The following IL13RA1 variants were observed in gnomAD, a reference collection of about 807,000 sequenced individuals.
IL13RA1 encodes the protein interleukin-13 receptor subunit alpha-1.
IL13RA1 carries 14 observed loss-of-function variants against 33.8 expected under a neutral mutation model. That is an observed-to-expected ratio of 0.41 (90% CI 0.27 to 0.65). The LOEUF is 0.65. IL13RA1 is among the 30% of genes least tolerant of loss of function. The pLI, the probability that IL13RA1 is intolerant of heterozygous loss-of-function variation, is 0.28. For synonymous variants in IL13RA1, 116 were observed against 115.7 expected (o/e 1.00, Z -0.02); for missense variants, 313 against 327.0 (o/e 0.96, Z 0.33).
At chrX:118,737,395 T>G (rs759018788) in intron 1 of IL13RA1, among the ~76,000 whole-genome samples, 1 of 112,644 alleles carries the variant, frequency 8.9e-6, no homozygotes, top group South Asian at 3.6e-4. Context: ...CTTCCAAAAT[T>G]GTTACATCAA....
intron 8 of IL13RA1, among the ~76,000 whole-genome samples, chrX:118,768,872 C>A (rs1482208802): frequency 8.9e-6 from 1 of 112,044 alleles, no homozygotes; most frequent in Non-Finnish European, 1.9e-5. Flanking sequence ...TTTTGGATTT[C>A]TAGCCTCCAA....
chrX:118,747,261 C>G (rs1326203936), intron 3 of IL13RA1, among the ~76,000 whole-genome samples, 169 bp downstream of exon 3: 2 of 111,520 alleles, frequency 1.8e-5, no homozygotes, highest in Non-Finnish European at 3.8e-5. Context: ...GAGTATGTCT[C>G]TGCCTTGAAG....
intron 2 of IL13RA1, among the ~76,000 whole-genome samples, chrX:118,741,933 A>G (rs2017348871): frequency 9.0e-6 from 1 of 110,982 alleles, no homozygotes; most frequent in African/African-American, 3.3e-5. Context: ...AAGTTCAGGC[A>G]GCTTTGGTGG....
Position 118,791,829 on chromosome X carries a change from A to G in IL13RA1, c.1259A>G (p.Glu420Gly), listed in dbSNP as rs771381937. The change falls in exon 11 of 11, where the codon GAA becomes GGA. Residue 420 changes from glutamate (E) to glycine (G), a missense_variant. Glu to Gly is a moderately conservative substitution (Grantham distance 98). Coordinates refer to ENST00000371666, the MANE Select transcript of IL13RA1 (RefSeq NM_001560.3). Reference sequence around the variant, plus strand: ...GAAACCGACTCTGTAGTGCTGATAGAAAACCTGAAGAAAGCCTCTCAGTGA... The same window carrying G: ...GAAACCGACTCTGTAGTGCTGATAGGAAACCTGAAGAAAGCCTCTCAGTGA... ...KEETDSVVLI[E>G]NLKKASQ 1 of 1,019,287 alleles carries G rather than the reference A, an allele frequency of 9.8e-7. No homozygotes were observed. The highest frequency in any genetic ancestry group is 1.4e-6 in the Non-Finnish European group (1 of 722,953). 84.0% of individuals were successfully genotyped at this position (1,019,287 alleles called of 1,213,427 possible). A position where few individuals can be genotyped will look rare whatever the true frequency, so the allele number is the denominator to read the frequency against.
intron 8 of IL13RA1, among the ~76,000 whole-genome samples, chrX:118,771,334 G>A (rs978096734): frequency 1.8e-5 from 2 of 112,286 alleles, no homozygotes; most frequent in Non-Finnish European, 3.8e-5. Context: ...GATGGAGAGT[G>A]AGACCCACAA....
In IL13RA1 at chrX:118,794,315, C is replaced by T. The variant is rs2018009511; in HGVS notation, c.*2461C>T. 8.9e-6 allele frequency: 1 copy of T among 112,344 alleles called. No homozygotes were observed. The highest frequency in any genetic ancestry group is 3.2e-5 in the African/African-American group (1 of 30,799). The allele number at this position is 112,344 out of a possible 1,213,427, so 9.3% of individuals were successfully genotyped here. A position where few individuals can be genotyped will look rare whatever the true frequency, so the allele number is the denominator to read the frequency against. ...AGTAGGCTCATTTACTGTTTTAGGTCTAGCCTATGTGGATTTTTTCCTAAC... is the reference window on the plus strand; with the variant it reads ...AGTAGGCTCATTTACTGTTTTAGGTTTAGCCTATGTGGATTTTTTCCTAAC... On this transcript the variant is annotated 3_prime_UTR_variant, in exon 11 of 11. Transcript: ENST00000371666.
chrX:118,771,026 G>A (rs1319437786), intron 8 of IL13RA1, among the ~76,000 whole-genome samples: 1 of 111,981 alleles, frequency 8.9e-6, no homozygotes, highest in Non-Finnish European at 1.9e-5. Context: ...CTTGGGGGCT[G>A]CTAAACTCTG....
intron 6 of IL13RA1, among the ~76,000 whole-genome samples, chrX:118,762,739 A>G (rs1215934940): frequency 8.9e-6 from 1 of 112,128 alleles, no homozygotes; most frequent in Non-Finnish European, 1.9e-5. Context: ...TGAATTTACA[A>G]CAAAAGGAGT....
intron 2 of IL13RA1, among the ~76,000 whole-genome samples, chrX:118,743,962 A>G (rs2017375370): frequency 9.0e-6 from 1 of 111,666 alleles, no homozygotes. Context: ...CCTTGCCAAC[A>G]TGGTGAAACC....
intron 1 of IL13RA1, among the ~76,000 whole-genome samples, chrX:118,730,153 C>T (rs2017200219): frequency 9.0e-6 from 1 of 111,674 alleles, no homozygotes; most frequent in African/African-American, 3.3e-5. Context: ...CAAAAATTAG[C>T]CGAGTGTGGG....
chrX:118,799,639 A>G, the IL13RA1 span, among the ~76,000 whole-genome samples: 1 of 107,275 alleles, frequency 9.3e-6, no homozygotes, highest in Admixed American at 9.9e-5. Context: ...GAGTGCACCA[A>G]TCGACACTCT....
chrX:118,794,439 G>C lies in IL13RA1; in HGVS notation c.*2585G>C, dbSNP rs2018010983. On this transcript the variant is annotated 3_prime_UTR_variant, in exon 11 of 11. Transcript: ENST00000371666. ...GCACTGAAGGGATATGTGAAACAAT[G>C]TTAACATTTTTGGTAGTCTTCAACC... 8.9e-6 allele frequency: 1 copy of C among 112,600 alleles called. No homozygotes were observed. The highest frequency in any genetic ancestry group is 9.4e-5 in the Admixed American group (1 of 10,634). The allele number at this position is 112,600 out of a possible 1,213,427, so 9.3% of individuals were successfully genotyped here. A position where few individuals can be genotyped will look rare whatever the true frequency, so the allele number is the denominator to read the frequency against.
chrX:118,736,782 A>G (rs1194920944), intron 1 of IL13RA1, among the ~76,000 whole-genome samples: 1 of 111,721 alleles, frequency 9.0e-6, no homozygotes, highest in Non-Finnish European at 1.9e-5. Context: ...AATTTAACCA[A>G]ACAAACAAAA....
At chrX:118,759,865 C>T (rs1054933910) in intron 5 of IL13RA1, among the ~76,000 whole-genome samples, 6 of 111,232 alleles carry the variant, frequency 5.4e-5, no homozygotes, top group Admixed American at 2.9e-4. Flanking sequence ...CTTGACCTCC[C>T]GGGCTCAAGC....
At chrX:118,804,704 C>T in the IL13RA1 span, among the ~76,000 whole-genome samples, 8 of 111,746 alleles carry the variant, frequency 7.2e-5, no homozygotes, top group Admixed American at 7.6e-4. Flanking sequence ...TATCTGTGGT[C>T]AAGTGTGTGC....
At chrX:118,788,184 G>T (rs995213738) in intron 10 of IL13RA1, among the ~76,000 whole-genome samples, 1 of 111,885 alleles carries the variant, frequency 8.9e-6, no homozygotes, top group African/African-American at 3.2e-5. Context: ...ACTTCAGCAG[G>T]TCCCTCCGTT....
At chrX:118,780,768 A>G (rs1417592146) in intron 10 of IL13RA1, among the ~76,000 whole-genome samples, 1 of 112,061 alleles carries the variant, frequency 8.9e-6, no homozygotes, top group Non-Finnish European at 1.9e-5. Flanking sequence ...AACGTTGGGG[A>G]TTACAATTCA....
At chrX:118,784,110 CGTATATATGTATATATATGTATAT>C (rs2017882665) in intron 10 of IL13RA1, among the ~76,000 whole-genome samples, 5 of 41,092 alleles carry the variant, frequency 1.2e-4, no homozygotes, top group South Asian at 4.0e-3. Flanking sequence ...TATATATATA[CGTATATATGTATATATATGTATAT>C]ATATATATAT....
intron 1 of IL13RA1, among the ~76,000 whole-genome samples, chrX:118,734,050 T>C (rs971364711): frequency 8.9e-6 from 1 of 111,879 alleles, no homozygotes; most frequent in Non-Finnish European, 1.9e-5. Flanking sequence ...GAAGTGTGAG[T>C]CCTACAGCTT....
Sources: allele counts gnomAD v4.1 joint callset (sites outside exome capture counted in the v4.1 genomes callset), GRCh38; gene constraint gnomAD v4.1.1; transcripts MANE v1.5; gene names NCBI Gene and HGNC (gene_info 2026-07-23, HGNC 2026-07-21).